The following PLCB1 variants were observed in gnomAD, a reference collection of about 807,000 sequenced individuals.
PLCB1 encodes the protein 1-phosphatidylinositol 4,5-bisphosphate phosphodiesterase beta-1.
In PLCB1, 46 loss-of-function variants were observed where a neutral mutation model predicts 161.8. That is an observed-to-expected ratio of 0.28 (90% confidence interval 0.22 to 0.36). PLCB1 has a LOEUF of 0.36. Ranked by LOEUF, PLCB1 falls within the 10% of genes least tolerant of loss-of-function variation. The pLI is 1.00. For synonymous variants in PLCB1, 517 were observed against 503.7 expected (o/e 1.03, Z -0.35); for missense variants, 1,016 against 1,472.5 (o/e 0.69, Z 5.07).
At chr20:8,734,135 C>CA (rs10624037) in intron 19 of PLCB1, among the ~76,000 whole-genome samples, 23 of 57,924 alleles carry the variant, frequency 4.0e-4, no homozygotes, top group African/African-American at 1.3e-3. Flanking sequence ...GACTCTGTCT[C>CA]AAAAAAAAAA....
At chr20:8,641,787 T>C (rs1988965028) in intron 4 of PLCB1, among the ~76,000 whole-genome samples, 2 of 152,174 alleles carry the variant, frequency 1.3e-5, no homozygotes. Flanking sequence ...AACCCGTCAG[T>C]AAGGAAAAGA....
chr20:8,552,491 C>T (rs2122996664), intron 3 of PLCB1, among the ~76,000 whole-genome samples: 1 of 152,270 alleles, frequency 6.6e-6, no homozygotes, highest in South Asian at 2.1e-4. Flanking sequence ...TTCTGGGAAA[C>T]TGCGAGCATT....
intron 3 of PLCB1, among the ~76,000 whole-genome samples, chr20:8,452,548 T>A (rs1981119098): frequency 6.6e-6 from 1 of 152,220 alleles, no homozygotes; most frequent in Admixed American, 6.5e-5. Context: ...GAATAACATG[T>A]AGGTGCTGTT....
At chr20:8,630,620 A>G (rs2123227986) in intron 4 of PLCB1, among the ~76,000 whole-genome samples, 1 of 152,320 alleles carries the variant, frequency 6.6e-6, no homozygotes, top group East Asian at 1.9e-4. Context: ...ATAAATTAAT[A>G]CAGAAAAAAC....
chr20:8,491,539 T>A (rs1456916267), intron 3 of PLCB1, among the ~76,000 whole-genome samples: 2 of 152,142 alleles, frequency 1.3e-5, no homozygotes, highest in Non-Finnish European at 2.9e-5. Flanking sequence ...TGGGAACAAG[T>A]ACTGTGTGTA....
Position 8,511,191 on chromosome 20 carries a change from G to T in PLCB1, c.247-117103G>T, listed in dbSNP as rs1310306979. Reference sequence around the variant, plus strand: ...TACTTCTGTAAGTTTGATTTTTTTAGATTCCACATATAAGTGAAATCATAA... The same window carrying T: ...TACTTCTGTAAGTTTGATTTTTTTATATTCCACATATAAGTGAAATCATAA... On this transcript the variant is annotated intron_variant, in intron 3 of 31. Transcript: ENST00000338037. Among the ~76,000 whole-genome samples the T allele has an allele frequency of 3.9e-5, 6 of 151,956 alleles. No homozygotes were observed. In the East Asian group the frequency reaches 1.2e-3, roughly 29 times the overall value.
chr20:8,868,987 G>A (rs1021460828), intron 31 of PLCB1, among the ~76,000 whole-genome samples: 5 of 152,152 alleles, frequency 3.3e-5, no homozygotes, highest in African/African-American at 1.2e-4. Context: ...CCACTTGGAT[G>A]GTAGGCTTTA....
intron 2 of PLCB1, among the ~76,000 whole-genome samples, chr20:8,166,008 C>A (rs555738082): frequency 4.6e-5 from 7 of 152,140 alleles, no homozygotes; most frequent in Non-Finnish European, 1.0e-4. Context: ...TAAAATTGAT[C>A]CCTTCCCTTT....
At chr20:8,658,786 G>T in intron 9 of PLCB1, 82 bp downstream of exon 9, 1 of 1,175,308 alleles carries the variant, frequency 8.5e-7, no homozygotes, top group Non-Finnish European at 1.2e-6. Context: ...GAACACCAGT[G>T]ATCGTTAGGT....
At chr20:8,628,803 G>C (rs145947083) in intron 4 of PLCB1, among the ~76,000 whole-genome samples, 2 of 151,656 alleles carry the variant, frequency 1.3e-5, no homozygotes, top group Admixed American at 6.6e-5. Context: ...GTGTGGTGGC[G>C]GGCACCTCTA....
chr20:8,543,908 TA>T (rs756056236), intron 3 of PLCB1, among the ~76,000 whole-genome samples: 6 of 152,214 alleles, frequency 3.9e-5, no homozygotes, highest in Non-Finnish European at 8.8e-5. Context: ...TCCCCAGCCA[TA>T]CAGAAATGTG....
chr20:8,569,963 C>G (rs1038225895), intron 3 of PLCB1, among the ~76,000 whole-genome samples: 35 of 152,082 alleles, frequency 2.3e-4, no homozygotes, highest in African/African-American at 6.5e-4. Flanking sequence ...ACTAGAAAGC[C>G]CAAGGGTTGG....
At chr20:8,275,271 G>GTA (rs1406693464) in intron 2 of PLCB1, among the ~76,000 whole-genome samples, 198 of 151,872 alleles carry the variant, frequency 1.3e-3, no homozygotes, top group African/African-American at 4.6e-3. Flanking sequence ...GTGTGTGTGT[G>GTA]TGTGTGTGTG....
chr20:8,567,117 G>A lies in PLCB1; in HGVS notation c.247-61177G>A, dbSNP rs573517821. On this transcript the variant is annotated intron_variant, in intron 3 of 31. Transcript: ENST00000338037. ...CAGGCCATTGTGTGATATTGGCCTG[G>A]GCACTGGCCTCACAAACACTGCAAA... 9.1e-4 allele frequency among the ~76,000 whole-genome samples: 139 copies of A among 152,224 alleles called. 4 individuals carry two copies. Among genetic ancestry groups the A allele is most frequent in the Admixed American group, 9.0e-3 (137 of 15,286 alleles).
intron 2 of PLCB1, among the ~76,000 whole-genome samples, chr20:8,338,265 T>C (rs894094423): frequency 6.6e-6 from 1 of 152,236 alleles, no homozygotes; most frequent in African/African-American, 2.4e-5. Flanking sequence ...CACGGAGTTT[T>C]GCACATTCAT....
At chr20:8,723,031 C>T (rs934016115) in intron 15 of PLCB1, among the ~76,000 whole-genome samples, 15 of 152,072 alleles carry the variant, frequency 9.9e-5, no homozygotes, top group Non-Finnish European at 1.6e-4. Flanking sequence ...TTTAAAAATA[C>T]GTATTTTAAA....
intron 2 of PLCB1, among the ~76,000 whole-genome samples, chr20:8,150,707 A>C (rs1480890958): frequency 1.3e-5 from 2 of 152,168 alleles, no homozygotes; most frequent in African/African-American, 4.8e-5. Flanking sequence ...ATAAAGGATG[A>C]AGAAAAATGA....
intron 23 of PLCB1, among the ~76,000 whole-genome samples, chr20:8,744,669 T>G (rs559058979): frequency 8.4e-5 from 6 of 71,594 alleles, no homozygotes; most frequent in African/African-American, 4.0e-4. Context: ...AAAATAAAAT[T>G]GTTTGTAAAT....
chr20:8,703,576 G>A (rs1257578038), intron 11 of PLCB1, among the ~76,000 whole-genome samples: 3 of 152,184 alleles, frequency 2.0e-5, no homozygotes, highest in Non-Finnish European at 2.9e-5. Flanking sequence ...AGTAGGAGCA[G>A]AGAAGGGAAC....
Sources: gnomAD v4.1 joint callset for allele counts (sites outside exome capture counted in the v4.1 genomes callset) on GRCh38, gnomAD v4.1.1 for gene constraint, MANE v1.5 for transcripts, NCBI Gene and HGNC (gene_info 2026-07-23, HGNC 2026-07-21) for gene names.